The following GBE1 variants were observed in gnomAD, a reference collection of about 807,000 sequenced individuals.
GBE1 encodes 1,4-alpha-glucan-branching enzyme.
A neutral mutation model predicts 88.8 loss-of-function variants in GBE1; 70 were observed. That is an observed-to-expected ratio of 0.79 (90% CI 0.65 to 0.96). The LOEUF (loss-of-function observed/expected upper bound fraction) is 0.96, where lower values mean the gene tolerates loss of function less well. GBE1 is among the 40% of genes least tolerant of loss of function. The pLI is 0.00. For synonymous variants in GBE1, 284 were observed against 300.1 expected (o/e 0.95, Z 0.56); for missense variants, 872 against 871.0 (o/e 1.00, Z -0.01).
Position 81,581,176 on chromosome 3 carries a change from T to C in GBE1, c.1435A>G (p.Ser479Gly). The change falls in exon 11 of 16, where the codon AGC (serine) becomes GGC (glycine). Residue 479 changes from serine (S) to glycine (G), a missense_variant. Coordinates refer to ENST00000429644, the MANE Select transcript of GBE1 (RefSeq NM_000158.4). ...ACATATTCATTTACCTGATCATGGC[T>C]CTCTGCATAAGCAATGCACTTTTCA... Reference protein sequence around the residue: ...YLEKCIAYAESHDQALVGDKS... With the variant: ...YLEKCIAYAEGHDQALVGDKS... 2 of 1,598,922 alleles carry C rather than the reference T, an allele frequency of 1.3e-6. No homozygotes were observed. Among genetic ancestry groups the C allele is most frequent in the Non-Finnish European group, 1.7e-6 (2 of 1,168,912 alleles).
At chr3:81,507,825 C>T (rs916254607) in intron 14 of GBE1, among the ~76,000 whole-genome samples, 3 of 151,872 alleles carry the variant, frequency 2.0e-5, no homozygotes, top group Non-Finnish European at 4.4e-5. Context: ...AAATGACAAC[C>T]GTACATTTTA....
At chr3:81,660,566 T>G (rs1427306624) in intron 3 of GBE1, among the ~76,000 whole-genome samples, 1 of 152,118 alleles carries the variant, frequency 6.6e-6, no homozygotes, top group Non-Finnish European at 1.5e-5. Context: ...ATTCGTAAGA[T>G]GAGACGCAGT....
intron 7 of GBE1, among the ~76,000 whole-genome samples, chr3:81,625,266 G>T (rs1249305296): frequency 6.6e-6 from 1 of 152,048 alleles, no homozygotes; most frequent in Non-Finnish European, 1.5e-5. Flanking sequence ...TTCTTCTCAG[G>T]ATATTTGATT....
At chr3:81,526,648 G>A (rs2106855653) in intron 14 of GBE1, among the ~76,000 whole-genome samples, 1 of 152,152 alleles carries the variant, frequency 6.6e-6, no homozygotes, top group East Asian at 1.9e-4. Flanking sequence ...AAATACCTAG[G>A]AATCCAACTT....
chr3:81,516,374 A>T (rs190134338), intron 14 of GBE1, among the ~76,000 whole-genome samples: 1 of 151,696 alleles, frequency 6.6e-6, no homozygotes, highest in African/African-American at 2.4e-5. Context: ...AGCATGGTTT[A>T]CTGAGCCTGT....
rs546767632 is a variant in GBE1, at chr3:81,761,620, G to T, written c.-103C>A. The T allele has an allele frequency of 6.4e-6, 9 of 1,414,108 alleles. No homozygotes were observed. The African/African-American group carries it at 1.2e-4, about 18-fold the overall frequency. 87.6% of individuals were successfully genotyped at this position (1,414,108 alleles called of 1,614,324 possible). Reference sequence around the variant, plus strand: ...GCGGCGGCTAGGGCGGAGCCGGAGGGCGCCTAGGCGTGTCGAGGCAAGCCG... The same window carrying T: ...GCGGCGGCTAGGGCGGAGCCGGAGGTCGCCTAGGCGTGTCGAGGCAAGCCG... On this transcript the variant is annotated 5_prime_UTR_variant, in exon 1 of 16. Transcript: ENST00000429644.
At chr3:81,706,728 C>T (rs1705780340) in intron 1 of GBE1, among the ~76,000 whole-genome samples, 1 of 151,936 alleles carries the variant, frequency 6.6e-6, no homozygotes, top group Admixed American at 6.6e-5. Flanking sequence ...TCACATTATA[C>T]AACTTAATTA....
intron 7 of GBE1, among the ~76,000 whole-genome samples, chr3:81,615,968 A>G: frequency 6.6e-6 from 1 of 152,094 alleles, no homozygotes; most frequent in East Asian, 1.9e-4. Context: ...AGTCTGATAG[A>G]TATGTAGTGA....
chr3:81,528,963 T>G (rs1191978115), intron 14 of GBE1, among the ~76,000 whole-genome samples: 1 of 152,086 alleles, frequency 6.6e-6, no homozygotes, highest in Non-Finnish European at 1.5e-5. Context: ...TTCAGTCCAT[T>G]TACATTTAAT....
chr3:81,511,980 G>A (rs2106829396), intron 14 of GBE1, among the ~76,000 whole-genome samples: 1 of 152,002 alleles, frequency 6.6e-6, no homozygotes, highest in Non-Finnish European at 1.5e-5. Context: ...TAAAGAAAAT[G>A]TGGTATATGT....
intron 1 of GBE1, among the ~76,000 whole-genome samples, chr3:81,730,593 GA>G (rs1366203326): frequency 6.6e-6 from 1 of 152,074 alleles, no homozygotes; most frequent in Non-Finnish European, 1.5e-5. Flanking sequence ...AGCGTGGAAA[GA>G]AAAAAAGCAA....
intron 1 of GBE1, among the ~76,000 whole-genome samples, chr3:81,708,709 T>C (rs1344872873): frequency 6.6e-6 from 1 of 152,158 alleles, no homozygotes; most frequent in Non-Finnish European, 1.5e-5. Context: ...TATATAATAA[T>C]ATTTATTCTT....
At chr3:81,519,410 A>C (rs1242227542) in intron 14 of GBE1, among the ~76,000 whole-genome samples, 1 of 151,482 alleles carries the variant, frequency 6.6e-6, no homozygotes, top group Non-Finnish European at 1.5e-5. Context: ...ACGTCACAAC[A>C]TTGTAACAGT....
At chr3:81,731,434 A>G (rs1308746649) in intron 1 of GBE1, among the ~76,000 whole-genome samples, 1 of 152,148 alleles carries the variant, frequency 6.6e-6, no homozygotes, top group Non-Finnish European at 1.5e-5. Flanking sequence ...ATTATCCACT[A>G]TGGATTCCCT....
chr3:81,656,137 C>T (rs1228313970), intron 3 of GBE1, among the ~76,000 whole-genome samples: 1 of 152,024 alleles, frequency 6.6e-6, no homozygotes, highest in Non-Finnish European at 1.5e-5. Flanking sequence ...CTGAAAATGG[C>T]CTCCCAAAAG....
chr3:81,501,053 C>A (rs898746305), intron 14 of GBE1, among the ~76,000 whole-genome samples: 1 of 152,220 alleles, frequency 6.6e-6, no homozygotes, highest in South Asian at 2.1e-4. Flanking sequence ...CAAACCCCAA[C>A]AACAGGCAGT....
chr3:81,657,209 CGTAA>C (rs770565166), intron 3 of GBE1, among the ~76,000 whole-genome samples: 6 of 150,786 alleles, frequency 4.0e-5, no homozygotes, highest in Non-Finnish European at 7.4e-5. Context: ...CTTCTTCCCA[CGTAA>C]GTATTTTCAA....
At chr3:81,758,386 G>A (rs1159226864) in intron 1 of GBE1, among the ~76,000 whole-genome samples, 5 of 152,202 alleles carry the variant, frequency 3.3e-5, no homozygotes, top group African/African-American at 9.6e-5. Context: ...CCAATGTAAC[G>A]TATCAGCAGA....
intron 12 of GBE1, among the ~76,000 whole-genome samples, chr3:81,564,903 A>G (rs928626722): frequency 1.3e-5 from 2 of 152,284 alleles, no homozygotes; most frequent in East Asian, 3.9e-4. Flanking sequence ...AGATTTTTCA[A>G]AACAACTACT....
Sources: gnomAD v4.1 joint callset for allele counts (sites outside exome capture counted in the v4.1 genomes callset) on GRCh38, gnomAD v4.1.1 for gene constraint, MANE v1.5 for transcripts, NCBI Gene and HGNC (gene_info 2026-07-23, HGNC 2026-07-21) for gene names.